The following KALRN variants were observed in gnomAD, a reference collection of about 807,000 sequenced individuals.
KALRN encodes kalirin RhoGEF kinase, also known as kalirin.
KALRN carries 70 observed loss-of-function variants against 353.7 expected under a neutral mutation model. That is an observed-to-expected ratio of 0.20 (90% CI 0.16 to 0.24). The LOEUF is 0.24. Ranked by LOEUF, KALRN falls within the 10% of genes least tolerant of loss-of-function variation. KALRN has a pLI of 1.00. For synonymous variants in KALRN, 1,391 were observed against 1,434.8 expected, an observed-to-expected ratio of 0.97 and a Z score of 0.69; for missense variants, 2,791 against 3,756.7, an observed-to-expected ratio of 0.74 and a Z score of 6.72.
intron 33 of KALRN, chr3:124,518,440 A>G (rs772771870): frequency 1.9e-6 from 3 of 1,613,964 alleles, no homozygotes; most frequent in Non-Finnish European, 2.5e-6. Context: ...GGACCTGGAG[A>G]TCCTTTCTCC....
chr3:124,627,149 G>A (rs1428124150), intron 34 of KALRN, among the ~76,000 whole-genome samples: 1 of 152,178 alleles, frequency 6.6e-6, no homozygotes, highest in African/African-American at 2.4e-5. Flanking sequence ...TAACTAAGTA[G>A]ATGTTTCTAA....
At chr3:124,447,734 G>A (rs2093887343) in intron 21 of KALRN, among the ~76,000 whole-genome samples, 1 of 152,186 alleles carries the variant, frequency 6.6e-6, no homozygotes, top group South Asian at 2.1e-4. Context: ...CTGGTTTGGT[G>A]TGACAAATTA....
intron 9 of KALRN, among the ~76,000 whole-genome samples, chr3:124,344,100 A>C (rs893312968): frequency 2.6e-5 from 4 of 152,350 alleles, no homozygotes; most frequent in Non-Finnish European, 5.9e-5. Context: ...AGTATTTTAA[A>C]TATGCCTTGT....
intron 1 of KALRN, among the ~76,000 whole-genome samples, chr3:124,170,234 C>G (rs2071540987): frequency 6.6e-6 from 1 of 152,210 alleles, no homozygotes; most frequent in South Asian, 2.1e-4. Flanking sequence ...AAACTTTTCT[C>G]TGAAGGAATC....
intron 1 of KALRN, among the ~76,000 whole-genome samples, chr3:124,220,193 T>C (rs1261825687): frequency 6.6e-6 from 1 of 152,154 alleles, no homozygotes; most frequent in Non-Finnish European, 1.5e-5. Flanking sequence ...TCTGCCCACT[T>C]GGGCCTCCCA....
chr3:124,421,888 CAAG>C (rs2092798780), intron 14 of KALRN, among the ~76,000 whole-genome samples: 1 of 152,102 alleles, frequency 6.6e-6, no homozygotes, highest in African/African-American at 2.4e-5. Context: ...AAAAGTAAGA[CAAG>C]GAGGTAAACA....
chr3:124,369,168 A>C (rs938888853), intron 10 of KALRN, among the ~76,000 whole-genome samples: 14 of 152,262 alleles, frequency 9.2e-5, no homozygotes, highest in Non-Finnish European at 1.8e-4. Context: ...ACATAACTAG[A>C]AAATGCATTC....
At chr3:124,431,484 T>C (rs937801064) in intron 16 of KALRN, among the ~76,000 whole-genome samples, 2 of 152,220 alleles carry the variant, frequency 1.3e-5, no homozygotes, top group Admixed American at 6.5e-5. Context: ...GACATTGTCC[T>C]TCCCAGAGAG....
intron 34 of KALRN, among the ~76,000 whole-genome samples, chr3:124,614,828 T>A (rs1290241167): frequency 6.6e-6 from 1 of 152,112 alleles, no homozygotes; most frequent in Non-Finnish European, 1.5e-5. Context: ...CACCTTAACC[T>A]CCCAAAATGT....
rs2150096412 is a variant in KALRN at position 124,398,734 on chromosome 3, A to G, written c.2209A>G (p.Ser737Gly). Residue 737 changes from serine (S) to glycine (G), a missense_variant, in exon 13 of 60, where the codon AGC (serine) becomes GGC (glycine). Physicochemically the swap from Ser to Gly is moderately conservative, Grantham distance 56. Coordinates refer to ENST00000682506, the MANE Select transcript of KALRN (RefSeq NM_001388419.1). ...GTCCAACAACAAAACACCCCACAGC[A>G]GCTCCATCAGCCACATCGAGTCGGT... ...AVSNNKTPHS[S>G]SISHIESVLQ... 1 of 1,614,158 alleles carries G rather than the reference A, an allele frequency of 6.2e-7. No homozygotes were observed. Among genetic ancestry groups the G allele is most frequent in the Admixed American group, 1.7e-5 (1 of 60,022 alleles).
chr3:124,160,941 T>C (rs115020916), intron 1 of KALRN, among the ~76,000 whole-genome samples: 455 of 152,300 alleles, frequency 3.0e-3, no homozygotes, highest in African/African-American at 0.01. Flanking sequence ...AGAAGGAAGA[T>C]AGGGGGAGTC....
chr3:124,229,832 T>C (rs1485586085), intron 2 of KALRN, among the ~76,000 whole-genome samples: 2 of 152,254 alleles, frequency 1.3e-5, no homozygotes, highest in Non-Finnish European at 2.9e-5. Context: ...TTATTGCCAT[T>C]GCTGTTAGAT....
At chr3:124,568,467 A>G (rs895990409) in intron 34 of KALRN, among the ~76,000 whole-genome samples, 13 of 152,204 alleles carry the variant, frequency 8.5e-5, no homozygotes, top group African/African-American at 3.1e-4. Flanking sequence ...AAGTAAAAAT[A>G]AGATTATCAT....
At chr3:124,409,509 A>G (rs1484246621) in intron 13 of KALRN, among the ~76,000 whole-genome samples, 1 of 152,186 alleles carries the variant, frequency 6.6e-6, no homozygotes, top group Non-Finnish European at 1.5e-5. Context: ...TCAGGGCTTA[A>G]GCAGATTGGG....
chr3:124,547,586 C>A (rs2069853260), intron 33 of KALRN, among the ~76,000 whole-genome samples: 2 of 152,170 alleles, frequency 1.3e-5, no homozygotes, highest in African/African-American at 4.8e-5. Flanking sequence ...GGTTATAGGG[C>A]ATGAGCCACC....
In KALRN at chr3:124,461,885, T is replaced by C; in HGVS notation, c.3855-5T>C. On this transcript the variant is annotated splice_region_variant and splice_polypyrimidine_tract_variant and intron_variant, in intron 23 of 59. Coordinates refer to ENST00000682506, the MANE Select transcript of KALRN (RefSeq NM_001388419.1). Reference sequence around the variant, plus strand: ...CCAAGTAAAAGCCCATTTGTTTCCTTCTAGATTTATTATGGCTGAACTACT... The same window carrying C: ...CCAAGTAAAAGCCCATTTGTTTCCTCCTAGATTTATTATGGCTGAACTACT... 1 of 1,611,236 alleles carries C rather than the reference T, an allele frequency of 6.2e-7. No homozygotes were observed. The highest frequency in any genetic ancestry group is 8.5e-7 in the Non-Finnish European group (1 of 1,177,524).
intron 10 of KALRN, among the ~76,000 whole-genome samples, chr3:124,347,516 C>A (rs1408755470): frequency 2.6e-5 from 4 of 151,980 alleles, no homozygotes; most frequent in Non-Finnish European, 4.4e-5. Context: ...CCTTTGTCTT[C>A]TTTTGGATTC....
chr3:124,685,929 C>G (rs1444779327), intron 51 of KALRN, among the ~76,000 whole-genome samples: 1 of 152,156 alleles, frequency 6.6e-6, no homozygotes, highest in Non-Finnish European at 1.5e-5. Context: ...CAAAGACCAT[C>G]ACCCCCCAAC....
chr3:124,603,317 A>G (rs1198963498), intron 34 of KALRN, among the ~76,000 whole-genome samples: 1 of 152,116 alleles, frequency 6.6e-6, no homozygotes, highest in East Asian at 1.9e-4. Flanking sequence ...CCAGATATCT[A>G]TCTCCTTCTA....
Sources: allele counts gnomAD v4.1 joint callset (sites outside exome capture counted in the v4.1 genomes callset), GRCh38; gene constraint gnomAD v4.1.1; transcripts MANE v1.5; gene names NCBI Gene and HGNC (gene_info 2026-07-23, HGNC 2026-07-21).